Variants in KCNC2 observed in about 807,000 individuals in gnomAD.
KCNC2 encodes potassium voltage-gated channel subfamily C member 2, also known as voltage-gated potassium channel KCNC2.
Under a neutral mutation model 44.5 loss-of-function variants are expected in KCNC2, and 21 were observed. The observed-to-expected ratio is 0.47, with a 90% CI of 0.33 to 0.68. The LOEUF is 0.68. Among genes scored for constraint, KCNC2 ranks in the 30% least tolerant of loss-of-function variants. The probability of loss-of-function intolerance (pLI) is 0.01; values close to 1 mark genes in which losing one functional copy is unlikely to be tolerated. For synonymous variants in KCNC2, 391 were observed against 339.1 expected, an observed-to-expected ratio of 1.15 and a Z score of -1.68; for missense variants, 589 against 826.2, an observed-to-expected ratio of 0.71 and a Z score of 3.52.
chr12:75,070,788 C>T (rs1159858370), intron 2 of KCNC2, among the ~76,000 whole-genome samples: 2 of 151,792 alleles, frequency 1.3e-5, no homozygotes, highest in Non-Finnish European at 2.9e-5. Context: ...TTTATTAGGA[C>T]AGCATTTGTG....
intron 2 of KCNC2, among the ~76,000 whole-genome samples, chr12:75,106,922 A>T (rs1886833201): frequency 6.6e-6 from 1 of 152,232 alleles, no homozygotes; most frequent in Non-Finnish European, 1.5e-5. Context: ...TATACTAATG[A>T]ATAATATTTT....
At chr12:75,134,306 A>G (rs543757876) in intron 2 of KCNC2, among the ~76,000 whole-genome samples, 25 of 152,130 alleles carry the variant, frequency 1.6e-4, no homozygotes, top group Non-Finnish European at 3.1e-4. Flanking sequence ...ATATTTTGAT[A>G]CTACAAGGAT....
intron 2 of KCNC2, among the ~76,000 whole-genome samples, chr12:75,169,141 T>C (rs998062347): frequency 3.3e-5 from 5 of 151,570 alleles, no homozygotes; most frequent in Middle Eastern, 3.2e-3. Flanking sequence ...CATTAGATCA[T>C]AGTAATTAAA....
intron 2 of KCNC2, among the ~76,000 whole-genome samples, chr12:75,109,904 A>T (rs956563326): frequency 1.7e-4 from 26 of 152,144 alleles, no homozygotes; most frequent in Non-Finnish European, 7.4e-5. Flanking sequence ...AATTTTTTTT[A>T]AATTGGTAGA....
chr12:75,061,795 C>G (rs561614659), intron 2 of KCNC2, among the ~76,000 whole-genome samples: 1 of 152,008 alleles, frequency 6.6e-6, no homozygotes, highest in Non-Finnish European at 1.5e-5. Flanking sequence ...AGCAAGCCAT[C>G]ATAACTACAT....
At chr12:75,057,491 C>T (rs1881870875) in intron 2 of KCNC2, among the ~76,000 whole-genome samples, 1 of 151,878 alleles carries the variant, frequency 6.6e-6, no homozygotes, top group African/African-American at 2.4e-5. Flanking sequence ...AGTTTTACCA[C>T]TTAAAAACAG....
rs551607211 is a variant in KCNC2, at chr12:75,115,612, C to T, written c.688-64295G>A. Among the ~76,000 whole-genome samples, 314 of 152,222 alleles carry T rather than the reference C, an allele frequency of 2.1e-3. 1 individual carries two copies. The highest frequency in any genetic ancestry group is 7.2e-3 in the African/African-American group (299 of 41,536). On this transcript the variant is annotated intron_variant, in intron 2 of 4. Coordinates refer to ENST00000549446, the MANE Select transcript of KCNC2 (RefSeq NM_139137.4). ...CATCTTCTCCTCTGCATATCAAAGTCTTCAGGGGCTAGCATGTTAGAATAC... is the reference window on the plus strand; with the variant it reads ...CATCTTCTCCTCTGCATATCAAAGTTTTCAGGGGCTAGCATGTTAGAATAC...
chr12:75,098,116 C>G (rs1886084802), intron 2 of KCNC2, among the ~76,000 whole-genome samples: 1 of 152,048 alleles, frequency 6.6e-6, no homozygotes, highest in Non-Finnish European at 1.5e-5. Flanking sequence ...ATCTGAATCT[C>G]TTCCTAAGTA....
rs373679849 is a variant in KCNC2, at chr12:75,203,306, A to G, written c.687+3991T>C. 9.2e-4 allele frequency among the ~76,000 whole-genome samples: 140 copies of G among 151,962 alleles called. 1 individual carries two copies. The highest frequency in any genetic ancestry group is 1.5e-3 in the Non-Finnish European group (100 of 67,762). ...CATACAAAGTAAATTAAATATTTGC[A>G]AATTTGAGTCTAATGCTAGAAATTA... On this transcript the variant is annotated intron_variant, in intron 2 of 4. Coordinates refer to ENST00000549446, the MANE Select transcript of KCNC2 (RefSeq NM_139137.4).
chr12:75,143,554 T>C (rs1889805830), intron 2 of KCNC2, among the ~76,000 whole-genome samples: 1 of 152,180 alleles, frequency 6.6e-6, no homozygotes, highest in Admixed American at 6.5e-5. Flanking sequence ...ATTCAAGCCC[T>C]ACATGCCTGT....
chr12:75,042,797 C>T lies in KCNC2; in HGVS notation c.*308G>A, dbSNP rs1880059672. ...TGGAAGCACACTGTTTTAAATATAT[C>T]TCCCTGAAGGTATGTTTATATATTA... is the stretch of plus-strand genomic sequence containing the variant. On this transcript the variant is annotated 3_prime_UTR_variant, in exon 5 of 5. Transcript: ENST00000549446. 6 of 1,177,990 alleles carry T rather than the reference C, an allele frequency of 5.1e-6. No individual in the cohort carries two copies. The highest frequency in any genetic ancestry group is 6.3e-6 in the Non-Finnish European group (6 of 952,108). 73.0% of individuals were successfully genotyped at this position (1,177,990 alleles called of 1,614,324 possible).
intron 2 of KCNC2, among the ~76,000 whole-genome samples, chr12:75,158,481 A>C (rs539166628): frequency 6.6e-6 from 1 of 151,948 alleles, no homozygotes; most frequent in Admixed American, 6.6e-5. Context: ...AACAGCCTAC[A>C]TTCTCTTGCC....
intron 2 of KCNC2, among the ~76,000 whole-genome samples, chr12:75,111,379 C>T (rs1172174982): frequency 6.6e-6 from 1 of 152,036 alleles, no homozygotes; most frequent in Non-Finnish European, 1.5e-5. Context: ...CATTGCACTG[C>T]TTATCCATTT....
chr12:75,122,541 A>C (rs1050613166), intron 2 of KCNC2, among the ~76,000 whole-genome samples: 1 of 152,174 alleles, frequency 6.6e-6, no homozygotes, highest in African/African-American at 2.4e-5. Context: ...TCCTACATTT[A>C]AGATAAGGAA....
chr12:75,107,063 G>T (rs1194161387), intron 2 of KCNC2, among the ~76,000 whole-genome samples: 3 of 152,104 alleles, frequency 2.0e-5, no homozygotes, highest in Admixed American at 6.5e-5. Context: ...CCAGCACTTT[G>T]GGGGGCTGAG....
At chr12:75,095,012 T>C (rs1340395836) in intron 2 of KCNC2, among the ~76,000 whole-genome samples, 4 of 151,836 alleles carry the variant, frequency 2.6e-5, no homozygotes, top group Non-Finnish European at 5.9e-5. Context: ...CCCTTTGATA[T>C]GAATAAGGCT....
intron 2 of KCNC2, among the ~76,000 whole-genome samples, chr12:75,071,267 T>TA (rs1035418222): frequency 4.6e-5 from 7 of 152,000 alleles, no homozygotes; most frequent in Middle Eastern, 3.4e-3. Context: ...TGGTAGCAAT[T>TA]AAAAAAAACC....
intron 2 of KCNC2, among the ~76,000 whole-genome samples, chr12:75,149,453 A>T (rs74464538): frequency 0.13 from 19,366 of 151,832 alleles, 1,380 homozygotes; most frequent in Middle Eastern, 0.25. Context: ...ATACCATTTT[A>T]AATGTGAATA....
At position 75,050,935 on chromosome 12, in the gene KCNC2, C is replaced by T; in HGVS notation, c.1070G>A (p.Arg357Lys). 6.2e-7 allele frequency: 1 copy of T among 1,613,616 alleles called. No individual in the cohort carries two copies. The highest frequency in any genetic ancestry group is 8.5e-7 in the Non-Finnish European group (1 of 1,179,878). ...LRVVRFVRIL[R>K]IFKLTRHFVG... ...AAAATGGCGGGTGAGCTTGAAAATT[C>T]TCAGGATCCTCACAAACCTTACCAC... The change falls in exon 3 of 5, where the codon AGA (arginine) becomes AAA (lysine). Residue 357 changes from arginine (R) to lysine (K), a missense_variant. Physicochemically the swap from Arg to Lys is conservative, Grantham distance 26. Around this residue, in one of 7 missense-constraint regions of KCNC2, gnomAD observed 67 missense variants for 237.4 expected, o/e 0.28. Transcript: ENST00000549446.
Sources: gnomAD v4.1 joint callset for allele counts (sites outside exome capture counted in the v4.1 genomes callset) on GRCh38, gnomAD v4.1.1 for gene constraint, gnomAD v4.1.1 regional missense constraint, MANE v1.5 for transcripts, NCBI Gene and HGNC (gene_info 2026-07-23, HGNC 2026-07-21) for gene names.